SPOCD1: variants seen among roughly 807,000 people sequenced by gnomAD.
SPOCD1 encodes SPOC domain-containing protein 1.
SPOCD1 carries 64 observed loss-of-function variants against 92.2 expected under a neutral mutation model. That is an observed-to-expected ratio of 0.69 (90% confidence interval 0.57 to 0.86). The LOEUF (loss-of-function observed/expected upper bound fraction) is 0.86. SPOCD1 is among the 40% of genes least tolerant of loss of function. SPOCD1 has a pLI of 0.00. For synonymous variants in SPOCD1, 578 were observed against 619.3 expected (o/e 0.93, Z 0.99); for missense variants, 1,360 against 1,543.1 (o/e 0.88, Z 1.99).
intron 2 of SPOCD1, among the ~76,000 whole-genome samples, chr1:31,808,181 T>C (rs1019539984): frequency 6.6e-6 from 1 of 152,076 alleles, no homozygotes; most frequent in African/African-American, 2.4e-5. Context: ...CTCACAAGGG[T>C]ATTATAGAAC....
At chr1:31,802,249 AG>A (rs1648519952) in intron 2 of SPOCD1, among the ~76,000 whole-genome samples, 1 of 152,248 alleles carries the variant, frequency 6.6e-6, no homozygotes, top group South Asian at 2.1e-4. Context: ...ATAAAGGGTA[AG>A]GAAGTCATCA....
In SPOCD1 at chr1:31,793,274, G is replaced by A. The variant is rs1458635786; in HGVS notation, c.2685+4C>T. On this transcript the variant is annotated splice_donor_region_variant and intron_variant, in intron 13 of 15. Transcript: ENST00000360482. ...GGAATCCCTGGCGAGGAGGGCAGGT[G>A]CACCTGGACAAGCCGACAGCTGTGT... The A allele has an allele frequency of 3.2e-6, 5 of 1,586,138 alleles. 1 individual carries two copies. In the Admixed American group the frequency reaches 5.3e-5, roughly 17 times the overall value.
intron 2 of SPOCD1, among the ~76,000 whole-genome samples, chr1:31,804,985 C>CTTTTTTTT (rs1207433481): frequency 0.13 from 14,156 of 104,890 alleles, 1,807 homozygotes; most frequent in South Asian, 0.3. Flanking sequence ...TTCTTTCTTT[C>CTTTTTTTT]TTTTTTTTTT....
intron 10 of SPOCD1, chr1:31,795,403 C>T (rs980555962): frequency 6.6e-6 from 1 of 152,218 alleles, no homozygotes; most frequent in Non-Finnish European, 1.5e-5. Flanking sequence ...TAGCACCAAC[C>T]TCCTAGGCCA....
At position 31,799,463 on chromosome 1, in the gene SPOCD1, T is replaced by C. The variant is rs1648279401; in HGVS notation, c.1806A>G (p.Pro602=). The C allele has an allele frequency of 6.2e-7, 1 of 1,611,744 alleles. No homozygotes were observed. Among genetic ancestry groups the C allele is most frequent in the South Asian group, 1.1e-5 (1 of 90,464 alleles). ...EDSAQLQQEK[P]SLYIGVRGTV... ...TGCCCCGCACCCCAATATACAGGGA[T>C]GGCTTCTCCTGTTGGAGCTGAGCTG... Residue 602 remains proline (P), a synonymous_variant, in exon 7 of 16, where the codon CCA becomes CCG. Transcript: ENST00000360482.
rs765816153 is a variant in SPOCD1 at position 31,798,165 on chromosome 1, C to T, written c.2145+42G>A. On this transcript the variant is annotated intron_variant, in intron 9 of 15. Transcript: ENST00000360482. The surrounding 1 kb of genome is among the most constrained non-coding windows in gnomAD (Gnocchi z 4.1). ...TCCACTCTCAGGCCACCCACTCTGC[C>T]CCTACATCCCCTCACCCATCCCGAC... is the stretch of plus-strand genomic sequence containing the variant. The T allele has an allele frequency of 6.8e-7, 1 of 1,474,426 alleles. No individual in the cohort carries two copies. The highest frequency in any genetic ancestry group is 1.1e-5 in the South Asian group (1 of 88,300). 91.3% of individuals were successfully genotyped at this position (1,474,426 alleles called of 1,614,324 possible).
chr1:31,800,326 T>C (rs1648359933), intron 4 of SPOCD1, 115 bp downstream of exon 4: 7 of 1,432,044 alleles, frequency 4.9e-6, no homozygotes, highest in South Asian at 1.4e-5. Flanking sequence ...CCTCTGGCTA[T>C]TCTGAATGAC....
At chr1:31,812,451 C>A (rs1210635751) in intron 2 of SPOCD1, among the ~76,000 whole-genome samples, 1 of 152,158 alleles carries the variant, frequency 6.6e-6, no homozygotes, top group Non-Finnish European at 1.5e-5. Context: ...CTGGGAAAGA[C>A]CTTCAAATAC....
intron 2 of SPOCD1, among the ~76,000 whole-genome samples, chr1:31,806,536 C>T (rs4949481): frequency 0.66 from 100,438 of 151,690 alleles, 33,250 homozygotes; most frequent in South Asian, 0.72. Context: ...AACATGCAAT[C>T]GATATGAAAA....
intron 11 of SPOCD1, 31 bp downstream of exon 11, chr1:31,794,093 A>G (rs1268040720): frequency 6.2e-7 from 1 of 1,600,492 alleles, no homozygotes; most frequent in Admixed American, 1.7e-5. Flanking sequence ...CCTGGCTGCC[A>G]CCCCTGCACC....
rs190804840 is a variant in SPOCD1 at position 31,800,353 on chromosome 1, C to T, written c.1602+88G>A. The T allele has an allele frequency of 4.1e-6, 6 of 1,448,894 alleles. No homozygotes were observed. In the East Asian group the frequency reaches 1.5e-4, roughly 36 times the overall value. 89.8% of individuals were successfully genotyped at this position (1,448,894 alleles called of 1,614,324 possible). On this transcript the variant is annotated intron_variant, in intron 4 of 15. Coordinates refer to ENST00000360482, the MANE Select transcript of SPOCD1 (RefSeq NM_144569.7). ...CTGAATGACCGCGAGCAAGTGGCAC[C>T]CTCTCTCTGAGCCTCAGTGACATCT...
intron 2 of SPOCD1, among the ~76,000 whole-genome samples, chr1:31,813,097 C>T (rs1287850657): frequency 2.6e-5 from 4 of 152,152 alleles, no homozygotes; most frequent in Non-Finnish European, 5.9e-5. Context: ...CACTGACTCC[C>T]CAGCTATGTG....
At position 31,801,712 on chromosome 1, in the gene SPOCD1, G is replaced by C; in HGVS notation, c.1384-7C>G. Reference sequence around the variant, plus strand: ...GGGGTATTTTCACTTCCTCCTTGGAGAGAAAGAGGATGCAGAGATTAGAAT... The same window carrying C: ...GGGGTATTTTCACTTCCTCCTTGGACAGAAAGAGGATGCAGAGATTAGAAT... On this transcript the variant is annotated splice_region_variant and splice_polypyrimidine_tract_variant and intron_variant, in intron 2 of 15. Transcript: ENST00000360482. The C allele has an allele frequency of 6.2e-7, 1 of 1,613,170 alleles. No individual in the cohort carries two copies.
rs1207433481 is a variant in SPOCD1 at position 31,804,985 on chromosome 1, C to CTTTTTTTTTTTTTTTTT, written c.1384-3281_1384-3280insAAAAAAAAAAAAAAAAA. ...AAATTTCTTTTTTCTTTCTTTCTTT[C>CTTTTTTTTTTTTTTTTT]TTTTTTTTTTTTTTGAGATGGAGTC... On this transcript the variant is annotated intron_variant, in intron 2 of 15. Coordinates refer to ENST00000360482, the MANE Select transcript of SPOCD1 (RefSeq NM_144569.7). Among the ~76,000 whole-genome samples the CTTTTTTTTTTTTTTTTT allele has an allele frequency of 6.0e-4, 64 of 105,892 alleles. 3 individuals carry two copies. Among genetic ancestry groups the CTTTTTTTTTTTTTTTTT allele is most frequent in the East Asian group, 1.5e-3 (5 of 3,364 alleles). The allele number at this position is 105,892 out of a possible 152,430, so 69.5% of individuals were successfully genotyped here. A position where few individuals can be genotyped will look rare whatever the true frequency, so the allele number is the denominator to read the frequency against.
intron 12 of SPOCD1, 93 bp from the exon 13 acceptor site, chr1:31,793,521 TA>T: frequency 6.6e-7 from 1 of 1,518,834 alleles, no homozygotes; most frequent in Non-Finnish European, 8.9e-7. Context: ...CCTGTGTCCC[TA>T]CTGTGGGGAC....
intron 10 of SPOCD1, 136 bp downstream of exon 10, chr1:31,796,454 T>C (rs1648028495): frequency 7.4e-7 from 1 of 1,360,464 alleles, no homozygotes; most frequent in East Asian, 2.4e-5. Context: ...TAAGGATCGC[T>C]GTCCCCGTTT....
intron 2 of SPOCD1, among the ~76,000 whole-genome samples, chr1:31,812,656 T>C (rs978351064): frequency 1.3e-5 from 2 of 152,230 alleles, no homozygotes; most frequent in Admixed American, 6.5e-5. Context: ...TATATGTCAA[T>C]AGAGTCTACC....
chr1:31,806,913 A>T (rs1648857550), intron 2 of SPOCD1, among the ~76,000 whole-genome samples: 1 of 152,184 alleles, frequency 6.6e-6, no homozygotes, highest in South Asian at 2.1e-4. Context: ...AATTCAGTGT[A>T]TATTTTACAC....
chr1:31,791,638 G>C (rs894342181), intron 15 of SPOCD1, among the ~76,000 whole-genome samples: 2 of 152,198 alleles, frequency 1.3e-5, no homozygotes, highest in African/African-American at 2.4e-5. Context: ...CACAGAGGCC[G>C]AGCTCGGCCC....
Sources: gnomAD v4.1 joint callset for allele counts (sites outside exome capture counted in the v4.1 genomes callset) on GRCh38, gnomAD v4.1.1 for gene constraint, Gnocchi (gnomAD v3.1) non-coding constraint, MANE v1.5 for transcripts, NCBI Gene and HGNC (gene_info 2026-07-23, HGNC 2026-07-21) for gene names.